Variants in CLVS1 observed in about 807,000 individuals in gnomAD.
CLVS1 encodes the protein clavesin 1.
Under a neutral mutation model 33.1 loss-of-function variants are expected in CLVS1, and 10 were observed. The observed-to-expected ratio is 0.30, with a 90% CI of 0.19 to 0.51. The LOEUF (loss-of-function observed/expected upper bound fraction) is 0.51. Among genes scored for constraint, CLVS1 ranks in the 20% least tolerant of loss-of-function variants. CLVS1 has a pLI of 0.97. For synonymous variants in CLVS1, 163 were observed against 166.1 expected, an observed-to-expected ratio of 0.98 and a Z score of 0.14; for missense variants, 343 against 433.4, an observed-to-expected ratio of 0.79 and a Z score of 1.85.
Position 61,123,269 on chromosome 8 carries a change from C to CA in CLVS1, c.-242-8497dup, listed in dbSNP as rs1398583328. 3.5e-4 allele frequency among the ~76,000 whole-genome samples: 39 copies of CA among 111,712 alleles called. 4 individuals carry two copies. The South Asian group carries it at 5.6e-3, about 16-fold the overall frequency. The allele number at this position is 111,712 out of a possible 152,430, so 73.3% of individuals were successfully genotyped here. On this transcript the variant is annotated intron_variant, in intron 1 of 2. Coordinates refer to the CLVS1 transcript ENST00000522621. ...GGGAAACAAGAGTGAAACTCTGTCT[C>CA]AAAATAATAATAATAATAATAATAA... is the stretch of plus-strand genomic sequence containing the variant.
At chr8:61,368,897 C>T (rs927713436) in intron 2 of CLVS1, among the ~76,000 whole-genome samples, 6 of 152,182 alleles carry the variant, frequency 3.9e-5, no homozygotes, top group South Asian at 4.2e-4. Context: ...AACACAATTC[C>T]AAAAGTTTCC....
chr8:60,975,609 C>T, the CLVS1 span, among the ~76,000 whole-genome samples: 1 of 152,094 alleles, frequency 6.6e-6, no homozygotes, highest in Non-Finnish European at 1.5e-5. Flanking sequence ...TCAAAGGGAC[C>T]ATGGCCCTGC....
chr8:61,221,981 T>C (rs1808227843), intron 2 of CLVS1, among the ~76,000 whole-genome samples: 3 of 152,196 alleles, frequency 2.0e-5, no homozygotes, highest in Non-Finnish European at 4.4e-5. Flanking sequence ...TAGAGGTGTT[T>C]ATAGTACTCT....
chr8:61,344,894 GAA>G (rs752960582), intron 2 of CLVS1, among the ~76,000 whole-genome samples: 1 of 135,244 alleles, frequency 7.4e-6, no homozygotes, highest in Non-Finnish European at 1.6e-5. Flanking sequence ...GGACTGGCCA[GAA>G]AAAAAAAAAA....
intron 3 of CLVS1, among the ~76,000 whole-genome samples, chr8:61,385,817 AG>A (rs1460477765): frequency 6.6e-6 from 1 of 152,120 alleles, no homozygotes; most frequent in Non-Finnish European, 1.5e-5. Context: ...GAGGGGATTG[AG>A]GGGTGCTCTG....
chr8:61,449,720 C>A (rs1190524919), intron 3 of CLVS1, among the ~76,000 whole-genome samples: 1 of 152,112 alleles, frequency 6.6e-6, no homozygotes. Context: ...GTACTGCCTT[C>A]TTCTGTCCCA....
intron 1 of CLVS1, among the ~76,000 whole-genome samples, chr8:61,081,966 G>A (rs536262402): frequency 6.7e-4 from 102 of 152,256 alleles, no homozygotes; most frequent in African/African-American, 2.3e-3. Context: ...AAAAGACAAA[G>A]CAAGCATTAG....
At chr8:61,176,415 T>G (rs1259395383) in intron 2 of CLVS1, among the ~76,000 whole-genome samples, 1 of 152,230 alleles carries the variant, frequency 6.6e-6, no homozygotes, top group Non-Finnish European at 1.5e-5. Flanking sequence ...AGAGCAGAAT[T>G]TCTGCCCAGC....
intron 1 of CLVS1, among the ~76,000 whole-genome samples, chr8:61,084,189 T>C (rs939675363): frequency 1.3e-5 from 2 of 152,236 alleles, no homozygotes; most frequent in Non-Finnish European, 2.9e-5. Context: ...GACTATATCG[T>C]CCATTAAAAT....
intron 2 of CLVS1, among the ~76,000 whole-genome samples, chr8:61,176,497 AT>A (rs1428384503): frequency 6.6e-6 from 1 of 152,214 alleles, no homozygotes; most frequent in Non-Finnish European, 1.5e-5. Context: ...ACTATCAAGT[AT>A]GATTATGATT....
At position 61,299,885 on chromosome 8, in the gene CLVS1, T is replaced by G; in HGVS notation, c.58T>G (p.Leu20Val). Residue 20 changes from leucine to valine, a missense_variant, in exon 2 of 6, where the codon TTG becomes GTG. By Grantham distance (32) the Leu-to-Val change is conservative. This residue lies in a region of CLVS1 where 88 missense variants were observed against 77.3 expected (regional missense o/e 1.14). Coordinates refer to ENST00000325897, the MANE Select transcript of CLVS1 (RefSeq NM_173519.3). ...GAAGTTAAACACTTGGAACGGAGAT[T>G]TGGCCAAGATGACCCATTTACAGGC... Reference protein sequence around the residue: ...YQKLNTWNGDLAKMTHLQAGL... With the variant: ...YQKLNTWNGDVAKMTHLQAGL... 1 of 1,613,796 alleles carries G rather than the reference T, an allele frequency of 6.2e-7. No homozygotes were observed. The highest frequency in any genetic ancestry group is 8.5e-7 in the Non-Finnish European group (1 of 1,179,858).
At chr8:61,214,628 A>G (rs1302767290) in intron 2 of CLVS1, among the ~76,000 whole-genome samples, 1 of 152,206 alleles carries the variant, frequency 6.6e-6, no homozygotes, top group Admixed American at 6.5e-5. Context: ...TCTTACCTCC[A>G]GAACTGTGAG....
At chr8:60,997,934 T>TTG in the CLVS1 span, among the ~76,000 whole-genome samples, 985 of 150,450 alleles carry the variant, frequency 6.5e-3, 7 homozygotes, top group South Asian at 0.016. Context: ...CTTAAGGTGC[T>TTG]TGTGTGTGTG....
At chr8:61,337,717 A>G (rs1273033762) in intron 2 of CLVS1, among the ~76,000 whole-genome samples, 1 of 152,188 alleles carries the variant, frequency 6.6e-6, no homozygotes, top group Non-Finnish European at 1.5e-5. Context: ...TTTATTTTCA[A>G]AAGGAGGAAA....
chr8:61,288,312 C>A (rs1366501309), intron 1 of CLVS1, 174 bp downstream of exon 1: 2 of 455,158 alleles, frequency 4.4e-6, no homozygotes, highest in Admixed American at 4.7e-5. Flanking sequence ...GCCGCCTCCG[C>A]GGTCCATCCT....
intron 2 of CLVS1, among the ~76,000 whole-genome samples, chr8:61,306,457 A>T (rs747554952): frequency 3.9e-5 from 6 of 152,122 alleles, no homozygotes; most frequent in Admixed American, 3.3e-4. Flanking sequence ...GATGCATTAC[A>T]TGCAAGAATT....
intron 2 of CLVS1, among the ~76,000 whole-genome samples, chr8:61,216,264 G>A (rs2129308503): frequency 6.6e-6 from 1 of 152,322 alleles, no homozygotes; most frequent in Non-Finnish European, 1.5e-5. Flanking sequence ...AAAACTGGAT[G>A]CTGAGGGAAT....
chr8:61,152,168 G>A (rs1286491977), intron 2 of CLVS1, among the ~76,000 whole-genome samples: 1 of 152,208 alleles, frequency 6.6e-6, no homozygotes, highest in Admixed American at 6.5e-5. Context: ...AGGATGCCAA[G>A]ATCAAGGTGC....
intron 1 of CLVS1, among the ~76,000 whole-genome samples, chr8:61,109,037 A>T (rs1221312783): frequency 6.6e-6 from 1 of 152,006 alleles, no homozygotes; most frequent in Non-Finnish European, 1.5e-5. Flanking sequence ...ATAATTTTCT[A>T]CTTGGAGTTT....
Sources: gnomAD v4.1 joint callset for allele counts (sites outside exome capture counted in the v4.1 genomes callset) on GRCh38, gnomAD v4.1.1 for gene constraint, gnomAD v4.1.1 regional missense constraint, MANE v1.5 for transcripts, NCBI Gene and HGNC (gene_info 2026-07-23, HGNC 2026-07-21) for gene names.